ATG13: variants seen among roughly 807,000 people sequenced by gnomAD.
ATG13 encodes the protein autophagy related 13.
A neutral mutation model predicts 65.5 loss-of-function variants in ATG13; 23 were observed. The observed-to-expected ratio is 0.35, with a 90% CI of 0.25 to 0.50. The LOEUF (loss-of-function observed/expected upper bound fraction) is 0.50. Among genes scored for constraint, ATG13 ranks in the 20% least tolerant of loss-of-function variants. ATG13 has a pLI of 0.98. For missense variants in ATG13, 566 were observed against 677.0 expected (o/e 0.84, Z 1.82); for synonymous variants, 252 against 245.2 (o/e 1.03, Z -0.26).
chr11:46,656,907 A>G (rs1157094740), intron 8 of ATG13, 188 bp from the exon 9 acceptor site: 9 of 587,492 alleles, frequency 1.5e-5, no homozygotes, highest in Non-Finnish European at 2.7e-5. Context: ...AAACCTATAT[A>G]TACACACACA....
intron 14 of ATG13, among the ~76,000 whole-genome samples, chr11:46,667,027 ACT>A (rs2062523885): frequency 6.6e-6 from 1 of 151,610 alleles, no homozygotes; most frequent in Admixed American, 6.6e-5. Flanking sequence ...GGCATTTTAC[ACT>A]CTAGTTTTCT....
At chr11:46,653,566 CT>C (rs573563973) in intron 7 of ATG13, among the ~76,000 whole-genome samples, 1,429 of 142,376 alleles carry the variant, frequency 0.01, 22 homozygotes, top group African/African-American at 0.028. Flanking sequence ...CATGAAGCTT[CT>C]TTTTTTTTTT....
At position 46,659,314 on chromosome 11, in the gene ATG13, A is replaced by C. The variant is rs1310399163; in HGVS notation, c.696-78A>C. 7.6e-6 allele frequency: 9 copies of C among 1,179,796 alleles called. No individual in the cohort carries two copies. The South Asian group carries it at 1.1e-4, about 15-fold the overall frequency. The allele number at this position is 1,179,796 out of a possible 1,614,324, so 73.1% of individuals were successfully genotyped here. ...CGTTCTTAGCACAGGTCCCATCTCT[A>C]TCTAATCACCTTTTATAGCCTTTCT... On this transcript the variant is annotated intron_variant, in intron 10 of 18. Coordinates refer to ENST00000683050, the MANE Select transcript of ATG13 (RefSeq NM_001346311.2).
At chr11:46,669,359 C>T in intron 17 of ATG13, 45 bp from the exon 18 acceptor site, 2 of 1,609,684 alleles carry the variant, frequency 1.2e-6, no homozygotes, top group Non-Finnish European at 1.7e-6. Flanking sequence ...CTTATCTCCT[C>T]TGTGGTTCAA....
intron 6 of ATG13, among the ~76,000 whole-genome samples, chr11:46,649,647 T>C (rs1170245488): frequency 6.6e-6 from 1 of 152,220 alleles, no homozygotes; most frequent in Non-Finnish European, 1.5e-5. Context: ...GATTAGCTTA[T>C]CTCTTGCCTG....
intron 1 of ATG13, among the ~76,000 whole-genome samples, chr11:46,623,556 T>C (rs1023445204): frequency 7.2e-5 from 11 of 151,928 alleles, no homozygotes; most frequent in Non-Finnish European, 1.5e-5. Flanking sequence ...GCCTCCCAAG[T>C]AGCTGGGATT....
At chr11:46,619,708 A>G (rs2046750402) in intron 1 of ATG13, among the ~76,000 whole-genome samples, 1 of 151,518 alleles carries the variant, frequency 6.6e-6, no homozygotes, top group African/African-American at 2.4e-5. Context: ...TTTTAACTGA[A>G]GAGTAAATGT....
At chr11:46,642,877 C>G (rs1033222538) in intron 2 of ATG13, among the ~76,000 whole-genome samples, 2 of 152,178 alleles carry the variant, frequency 1.3e-5, no homozygotes, top group Non-Finnish European at 2.9e-5. Context: ...TGATTGTATT[C>G]AAGATGCTCA....
intron 1 of ATG13, among the ~76,000 whole-genome samples, chr11:46,620,010 C>T (rs1310882208): frequency 7.0e-6 from 1 of 143,264 alleles, no homozygotes; most frequent in East Asian, 2.1e-4. Flanking sequence ...GCCCGGGAGA[C>T]AGCGCCCCTC....
chr11:46,648,456 A>G (rs2058188760), intron 5 of ATG13, among the ~76,000 whole-genome samples: 1 of 152,126 alleles, frequency 6.6e-6, no homozygotes, highest in Admixed American at 6.6e-5. Context: ...TGTTCACACT[A>G]AGATGAAGAT....
chr11:46,658,435 C>G (rs755985739), intron 10 of ATG13, among the ~76,000 whole-genome samples: 1 of 152,270 alleles, frequency 6.6e-6, no homozygotes, highest in African/African-American at 2.4e-5. Flanking sequence ...GTGGCTAACA[C>G]CTATAATCCC....
At chr11:46,631,237 G>T (rs1389541474) in intron 2 of ATG13, among the ~76,000 whole-genome samples, 1 of 152,150 alleles carries the variant, frequency 6.6e-6, no homozygotes, top group Non-Finnish European at 1.5e-5. Context: ...TGTTACTTAA[G>T]TTGGAGTGCA....
chr11:46,657,432 C>A, intron 9 of ATG13, 92 bp from the exon 10 acceptor site: 2 of 1,251,972 alleles, frequency 1.6e-6, no homozygotes, highest in Non-Finnish European at 2.3e-6. Context: ...GTAGTGCCTG[C>A]CAACAGATGT....
chr11:46,668,638 G>A, intron 16 of ATG13, 62 bp downstream of exon 16: 9 of 1,570,010 alleles, frequency 5.7e-6, no homozygotes, highest in Non-Finnish European at 7.9e-6. Flanking sequence ...TTCTTCCTGA[G>A]CCAGAGTCAC....
intron 18 of ATG13, among the ~76,000 whole-genome samples, chr11:46,670,861 C>T (rs1359606398): frequency 1.3e-5 from 2 of 152,066 alleles, no homozygotes; most frequent in Admixed American, 6.5e-5. Flanking sequence ...GAGTGCCAGG[C>T]ATTTTTCTAA....
intron 5 of ATG13, among the ~76,000 whole-genome samples, chr11:46,647,661 T>C (rs1229907339): frequency 6.6e-6 from 1 of 151,098 alleles, no homozygotes; most frequent in African/African-American, 2.4e-5. Context: ...AGCCTCAAAT[T>C]CCTAGGTTCA....
chr11:46,635,245 ATCC>A (rs2053557934), intron 2 of ATG13, among the ~76,000 whole-genome samples: 1 of 151,920 alleles, frequency 6.6e-6, no homozygotes, highest in Admixed American at 6.6e-5. Flanking sequence ...ACCTCATGTG[ATCC>A]CCTGCCCTCA....
At position 46,662,340 on chromosome 11, in the gene ATG13, C is replaced by T. The variant is rs554083334; in HGVS notation, c.790-1657C>T. 2.6e-4 allele frequency among the ~76,000 whole-genome samples: 39 copies of T among 152,164 alleles called. No homozygotes were observed. In the South Asian group the frequency reaches 7.7e-3, roughly 30 times the overall value. Reference sequence around the variant, plus strand: ...TCATAAATAATAAAGTTGTAACTTGCGAGATATGAGGGATGGTGAGACTAG... The same window carrying T: ...TCATAAATAATAAAGTTGTAACTTGTGAGATATGAGGGATGGTGAGACTAG... On this transcript the variant is annotated intron_variant, in intron 11 of 18. Transcript: ENST00000683050.
chr11:46,642,244 C>T (rs977179500), intron 2 of ATG13, among the ~76,000 whole-genome samples: 1 of 150,446 alleles, frequency 6.6e-6, no homozygotes, highest in African/African-American at 2.4e-5. Context: ...CTCCTTTGTC[C>T]TGTTTCTTAA....
Sources: allele counts gnomAD v4.1 joint callset (sites outside exome capture counted in the v4.1 genomes callset), GRCh38; gene constraint gnomAD v4.1.1; transcripts MANE v1.5; gene names NCBI Gene and HGNC (gene_info 2026-07-23, HGNC 2026-07-21).